GABPB2: variants seen among roughly 807,000 people sequenced by gnomAD.
GABPB2 encodes GA-binding protein subunit beta-2.
A neutral mutation model predicts 39.1 loss-of-function variants in GABPB2; 23 were observed. The observed-to-expected ratio is 0.59, with a 90% CI of 0.42 to 0.83. The LOEUF (loss-of-function observed/expected upper bound fraction) is 0.83, where lower values mean the gene tolerates loss of function less well. GABPB2 is among the 40% of genes least tolerant of loss of function. The pLI, the probability that GABPB2 is intolerant of heterozygous loss-of-function variation, is 0.00. For synonymous variants in GABPB2, 184 were observed against 199.3 expected (o/e 0.92, Z 0.65); for missense variants, 467 against 541.1 (o/e 0.86, Z 1.36).
At chr1:151,115,464 T>C (rs1441275754) in intron 7 of GABPB2, among the ~76,000 whole-genome samples, 1 of 149,532 alleles carries the variant, frequency 6.7e-6, no homozygotes, top group Admixed American at 6.7e-5. Context: ...GCAGTGGCAC[T>C]ATCTCAGCTA....
chr1:151,073,640 A>T (rs1392318940), intron 1 of GABPB2, among the ~76,000 whole-genome samples: 2 of 152,104 alleles, frequency 1.3e-5, no homozygotes, highest in Non-Finnish European at 2.9e-5. Flanking sequence ...AAGTAAAGGA[A>T]GGCCGGCGCG....
At chr1:151,111,567 C>T (rs1361214790) in intron 7 of GABPB2, among the ~76,000 whole-genome samples, 7 of 151,968 alleles carry the variant, frequency 4.6e-5, no homozygotes, top group African/African-American at 1.2e-4. Context: ...GGACTACAGG[C>T]GCCTGCCACC....
intron 4 of GABPB2, among the ~76,000 whole-genome samples, chr1:151,096,992 A>G (rs966827077): frequency 6.6e-6 from 1 of 152,020 alleles, no homozygotes; most frequent in Non-Finnish European, 1.5e-5. Flanking sequence ...GCTTACCGCA[A>G]TCTTGGCCTC....
intron 5 of GABPB2, among the ~76,000 whole-genome samples, chr1:151,102,218 G>A (rs767058737): frequency 1.4e-4 from 21 of 152,126 alleles, no homozygotes; most frequent in Non-Finnish European, 2.2e-4. Context: ...CTACTCAGGA[G>A]GCTGAGATAG....
rs759969656 is a variant in GABPB2 at position 151,088,260 on chromosome 1, C to T, written c.71C>T (p.Thr24Met). The T allele has an allele frequency of 9.9e-6, 16 of 1,613,798 alleles. No individual in the cohort carries two copies. Among genetic ancestry groups the T allele is most frequent in the African/African-American group, 9.3e-5 (7 of 74,904 alleles). Residue 24 changes from threonine (T) to methionine (M), a missense_variant, in exon 2 of 9, where the codon ACG (threonine) becomes ATG (methionine). By Grantham distance (81) the Thr-to-Met change is moderately conservative. Coordinates refer to ENST00000368918, the MANE Select transcript of GABPB2 (RefSeq NM_144618.3). ...ARKGQDDEVR[T>M]LMANGAPFTT... ...AAAGGCCAAGATGATGAAGTGAGAACGTTGATGGCAAATGGCGCCCCATTC... is the reference window on the plus strand; with the variant it reads ...AAAGGCCAAGATGATGAAGTGAGAATGTTGATGGCAAATGGCGCCCCATTC...
At chr1:151,071,380 T>C (rs1676698326) in intron 1 of GABPB2, among the ~76,000 whole-genome samples, 1 of 151,358 alleles carries the variant, frequency 6.6e-6, no homozygotes, top group Non-Finnish European at 1.5e-5. Flanking sequence ...ACCCAAATAA[T>C]GACCTGAAAG....
intron 5 of GABPB2, among the ~76,000 whole-genome samples, 179 bp from the exon 6 acceptor site, chr1:151,103,383 A>G (rs1268904724): frequency 6.6e-6 from 1 of 152,034 alleles, no homozygotes; most frequent in African/African-American, 2.4e-5. Context: ...TAAAGGAAAA[A>G]CTTTTTAAAC....
intron 7 of GABPB2, among the ~76,000 whole-genome samples, chr1:151,115,184 A>C (rs1680762732): frequency 6.6e-6 from 1 of 151,832 alleles, no homozygotes; most frequent in South Asian, 2.1e-4. Flanking sequence ...AACATGGAGA[A>C]ACCCCATCTC....
intron 1 of GABPB2, among the ~76,000 whole-genome samples, chr1:151,073,569 TTTTG>T (rs587761154): frequency 1.7e-4 from 25 of 150,780 alleles, no homozygotes; most frequent in Admixed American, 1.3e-3. Context: ...ATGCTGTGTT[TTTTG>T]TTTGTTTTTT....
chr1:151,114,695 C>CAAAAG (rs776013333), intron 7 of GABPB2, among the ~76,000 whole-genome samples: 7 of 149,580 alleles, frequency 4.7e-5, no homozygotes. Context: ...GACTCTGTCT[C>CAAAAG]AAAAGAAAAG....
At chr1:151,117,908 A>C in intron 8 of GABPB2, 49 bp from the exon 9 acceptor site, 1 of 1,551,244 alleles carries the variant, frequency 6.4e-7, no homozygotes, top group Non-Finnish European at 8.8e-7. Flanking sequence ...CTGTCTGGAT[A>C]ATTTATGATC....
rs1461391413 is a variant in GABPB2, at chr1:151,107,040, A to G, written c.740A>G (p.Asn247Ser). Residue 247 changes from asparagine to serine, a missense_variant, in exon 7 of 9, where the codon AAT becomes AGT. Asn to Ser is a conservative substitution (Grantham distance 46). Transcript: ENST00000368918. The part of the protein sequence containing the change: ...PLSNSHRATA[N>S]TEEIIEGNSV... Reference sequence around the variant, plus strand: ...AATTTGCTTTTGTCATCTCTAGCCAATACAGAGGAAATTATAGAAGGAAAT... The same window carrying G: ...AATTTGCTTTTGTCATCTCTAGCCAGTACAGAGGAAATTATAGAAGGAAAT... 6.2e-7 allele frequency: 1 copy of G among 1,602,146 alleles called. No individual in the cohort carries two copies. The highest frequency in any genetic ancestry group is 8.5e-7 in the Non-Finnish European group (1 of 1,175,902).
At chr1:151,078,847 A>G (rs916275714) in intron 1 of GABPB2, among the ~76,000 whole-genome samples, 10 of 151,242 alleles carry the variant, frequency 6.6e-5, no homozygotes, top group African/African-American at 2.4e-4. Context: ...AAAATTTTGT[A>G]TTTTAGTAGG....
Position 151,113,644 on chromosome 1 carries a change from A to G in GABPB2, c.923-3748A>G, listed in dbSNP as rs1025310644. 5.3e-5 allele frequency among the ~76,000 whole-genome samples: 8 copies of G among 152,246 alleles called. No individual in the cohort carries two copies. The East Asian group carries it at 1.4e-3, about 26-fold the overall frequency. ...TCTAAGAAATAATACAGAGAAATCT[A>G]TTGCTGGGATTACAGGCACATGCCA... is the stretch of plus-strand genomic sequence containing the variant. On this transcript the variant is annotated intron_variant, in intron 7 of 8. Coordinates refer to ENST00000368918, the MANE Select transcript of GABPB2 (RefSeq NM_144618.3).
At chr1:151,106,485 G>A (rs587742051) in intron 6 of GABPB2, among the ~76,000 whole-genome samples, 2 of 151,864 alleles carry the variant, frequency 1.3e-5, no homozygotes, top group South Asian at 2.1e-4. Context: ...CTACAGGCAC[G>A]TGCCACCATG....
intron 1 of GABPB2, among the ~76,000 whole-genome samples, chr1:151,075,723 C>A (rs11204769): frequency 0.82 from 124,075 of 151,560 alleles, 50,835 homozygotes; most frequent in East Asian, 0.91. Context: ...AAACCCCCCC[C>A]AAAAAAACCC....
At chr1:151,116,039 G>T (rs1187475627) in intron 7 of GABPB2, among the ~76,000 whole-genome samples, 1 of 151,626 alleles carries the variant, frequency 6.6e-6, no homozygotes, top group African/African-American at 2.4e-5. Context: ...GGAGGTGGGG[G>T]TTGCAGTGAG....
chr1:151,083,642 G>GAA (rs984022239), intron 1 of GABPB2, among the ~76,000 whole-genome samples: 2 of 140,440 alleles, frequency 1.4e-5, no homozygotes, highest in Non-Finnish European at 1.5e-5. Context: ...TCTATAGAGA[G>GAA]AAAAAAAAAA....
chr1:151,087,350 T>C (rs1678291638), intron 1 of GABPB2, among the ~76,000 whole-genome samples: 1 of 151,874 alleles, frequency 6.6e-6, no homozygotes, highest in Admixed American at 6.6e-5. Flanking sequence ...AAAAACTAGA[T>C]TAAGATGTAG....
Sources: allele counts gnomAD v4.1 joint callset (sites outside exome capture counted in the v4.1 genomes callset), GRCh38; gene constraint gnomAD v4.1.1; transcripts MANE v1.5; gene names NCBI Gene and HGNC (gene_info 2026-07-23, HGNC 2026-07-21).